The following COL6A3 variants were observed in gnomAD, a reference collection of about 807,000 sequenced individuals.
COL6A3 encodes collagen alpha-3(VI) chain.
In COL6A3, 137 loss-of-function variants were observed where a neutral mutation model predicts 274.1. That is an observed-to-expected ratio of 0.50 (90% CI 0.44 to 0.58). COL6A3 has a LOEUF of 0.58. Ranked by LOEUF, COL6A3 falls within the 20% of genes least tolerant of loss-of-function variation. The pLI, the probability that COL6A3 is intolerant of heterozygous loss-of-function variation, is 0.00. For synonymous variants in COL6A3, 1,650 were observed against 1,650.6 expected (o/e 1.00, Z 0.01); for missense variants, 3,950 against 4,124.9 (o/e 0.96, Z 1.16).
chr2:237,346,544 T>G lies in COL6A3; in HGVS notation c.7051A>C (p.Ile2351Leu), dbSNP rs557448772. Residue 2351 changes from isoleucine (I) to leucine (L), a missense_variant, in exon 32 of 44, where the codon ATA (isoleucine) becomes CTA (leucine). By Grantham distance (5) the Ile-to-Leu change is conservative (BLOSUM62 2). Transcript: ENST00000295550. The part of the protein sequence containing the change: ...GRRGNSGPPG[I>L]VGQKGDPGYP... ...CCAGGGTCTCCCTTCTGTCCAACTATCCCTGGAGGTCCCGAATTTCCCTAG... is the reference window on the plus strand; with the variant it reads ...CCAGGGTCTCCCTTCTGTCCAACTAGCCCTGGAGGTCCCGAATTTCCCTAG... The G allele has an allele frequency of 8.8e-5, 142 of 1,613,916 alleles. 2 individuals are homozygous for G. In the South Asian group the frequency reaches 1.5e-3, roughly 17 times the overall value.
At chr2:237,330,349 G>A (rs762861886) in intron 42 of COL6A3, among the ~76,000 whole-genome samples, 23 of 152,164 alleles carry the variant, frequency 1.5e-4, no homozygotes, top group African/African-American at 1.4e-4. Flanking sequence ...AGGAGGCCAC[G>A]GTAACGAATG....
chr2:237,370,723 T>C (rs1361613727), intron 9 of COL6A3, among the ~76,000 whole-genome samples: 2 of 152,310 alleles, frequency 1.3e-5, no homozygotes, highest in African/African-American at 4.8e-5. Context: ...AAATGCAGCA[T>C]AGTGGAAGCT....
Position 237,341,859 on chromosome 2 carries a change from C to T in COL6A3, c.7765+206G>A, listed in dbSNP as rs55635726. Among the ~76,000 whole-genome samples the T allele has an allele frequency of 0.017, 2,633 of 152,194 alleles. 28 individuals carry two copies. Among genetic ancestry groups the T allele is most frequent in the Non-Finnish European group, 0.026 (1,783 of 68,002 alleles). On this transcript the variant is annotated intron_variant, in intron 37 of 43. Coordinates refer to ENST00000295550, the MANE Select transcript of COL6A3 (RefSeq NM_004369.4). ...TTTGTTACCTATAAAATGAATTATC[C>T]GCCATCAAAGAGAAGCTCTGTTTTG...
At chr2:237,389,220 G>A (rs951336121) in intron 3 of COL6A3, among the ~76,000 whole-genome samples, 1 of 152,114 alleles carries the variant, frequency 6.6e-6, no homozygotes, top group Non-Finnish European at 1.5e-5. Context: ...GGAGGAATAG[G>A]GATCGAGAAA....
intron 12 of COL6A3, among the ~76,000 whole-genome samples, 189 bp downstream of exon 12, chr2:237,365,509 C>T (rs931055836): frequency 3.9e-5 from 6 of 152,126 alleles, no homozygotes; most frequent in African/African-American, 9.7e-5. Flanking sequence ...TTAGAGCTTA[C>T]GTAAGACTAC....
Position 237,354,921 on chromosome 2 carries a change from C to T in COL6A3, c.6605G>A (p.Arg2202Gln), listed in dbSNP as rs768050320. ...CACCTTAGCTCCGGGGGGTCCCCTT[C>T]GGCCAAAGCCACCCTGTGGAAGAAA... ...GETGKNGGFG[R>Q]RGPPGAKGNK... Residue 2202 changes from arginine (R) to glutamine (Q), a missense_variant, in exon 24 of 44, where the codon CGA (arginine) becomes CAA (glutamine). By Grantham distance (43) the Arg-to-Gln change is conservative (BLOSUM62 1). This residue lies in a region of COL6A3 where 1,284 missense variants were observed against 1,349.7 expected (regional missense o/e 0.95). Coordinates refer to ENST00000295550, the MANE Select transcript of COL6A3 (RefSeq NM_004369.4). The T allele has an allele frequency of 2.0e-5, 32 of 1,613,822 alleles. No individual in the cohort carries two copies. Among genetic ancestry groups the T allele is most frequent in the Middle Eastern group, 1.7e-4 (1 of 6,056 alleles).
chr2:237,380,806 A>G (rs1025864439), intron 5 of COL6A3, 109 bp downstream of exon 5: 21 of 1,025,028 alleles, frequency 2.0e-5, no homozygotes, highest in Middle Eastern at 5.9e-4. Context: ...TGCTGTTTTC[A>G]TCATTTGTTG....
intron 4 of COL6A3, 124 bp downstream of exon 4, chr2:237,387,458 G>T: frequency 7.1e-7 from 1 of 1,405,442 alleles, no homozygotes. Flanking sequence ...ATCAGGGAAG[G>T]ACTGGACTGT....
At chr2:237,396,291 C>A (rs1396117880) in intron 2 of COL6A3, among the ~76,000 whole-genome samples, 4 of 152,178 alleles carry the variant, frequency 2.6e-5, no homozygotes, top group Admixed American at 6.5e-5. Flanking sequence ...AAAATGCCTT[C>A]CTGCATCTGG....
At position 237,350,157 on chromosome 2, in the gene COL6A3, C is replaced by T. The variant is rs398124131; in HGVS notation, c.6869G>A (p.Arg2290His). The stretch of plus-strand genomic sequence containing the variant: ...GCGCTGTGACCTTACCGTCTCCCCA[C>T]GAGGGCCCCGGTTCCCGATTCCTCC... ...PKGGIGNRGP[R>H]GETGDDGRDG... is the part of the protein sequence containing the mutation. The change falls in exon 28 of 44, where the codon CGT becomes CAT. Residue 2290 changes from arginine (R) to histidine (H), a missense_variant. By Grantham distance (29) the Arg-to-His change is conservative (BLOSUM62 0). Around this residue, in one of 5 missense-constraint regions of COL6A3, gnomAD observed 1,284 missense variants for 1,349.7 expected, o/e 0.95. Coordinates refer to ENST00000295550, the MANE Select transcript of COL6A3 (RefSeq NM_004369.4). 8.1e-6 allele frequency: 13 copies of T among 1,614,106 alleles called. No individual in the cohort carries two copies. The highest frequency in any genetic ancestry group is 8.0e-5 in the African/African-American group (6 of 75,026).
At position 237,387,667 on chromosome 2, in the gene COL6A3, C is replaced by T. The variant is rs1343008130; in HGVS notation, c.1227G>A (p.Gly409=). 3.1e-6 allele frequency: 5 copies of T among 1,613,804 alleles called. No individual in the cohort carries two copies. The highest frequency in any genetic ancestry group is 4.2e-6 in the Non-Finnish European group (5 of 1,179,882). Reference sequence around the variant, plus strand: ...ACGGCAGTAATTTCTCCTGGAGGTCCCCAAAGCTACGGAATTCCGGGACAG... The same window carrying T: ...ACGGCAGTAATTTCTCCTGGAGGTCTCCAAAGCTACGGAATTCCGGGACAG... ...VFTVPEFRSF[G]DLQEKLLPYI... The change falls in exon 4 of 44, where the codon GGG becomes GGA. Residue 409 remains glycine, a synonymous_variant. Coordinates refer to ENST00000295550, the MANE Select transcript of COL6A3 (RefSeq NM_004369.4).
Position 237,379,288 on chromosome 2 carries a change from T to C in COL6A3, c.1898-53A>G, listed in dbSNP as rs906233081. 5 of 1,611,668 alleles carry C rather than the reference T, an allele frequency of 3.1e-6. No homozygotes were observed. In the African/African-American group the frequency reaches 6.7e-5, roughly 22 times the overall value. On this transcript the variant is annotated intron_variant, in intron 5 of 43. Transcript: ENST00000295550. ...AGACATACACAACCACGGAGAGTTT[T>C]ATCATGTGTGCCTACAACACGTGCA...
In COL6A3 at chr2:237,388,178, T is replaced by C. The variant is rs2078202028; in HGVS notation, c.716A>G (p.Asp239Gly). The change falls in exon 4 of 44, where the codon GAC (aspartate) becomes GGC (glycine). Residue 239 changes from aspartate to glycine, a missense_variant. This residue lies in a region of COL6A3 where 1,934 missense variants were observed against 1,984.3 expected (regional missense o/e 0.97). Coordinates refer to ENST00000295550, the MANE Select transcript of COL6A3 (RefSeq NM_004369.4). Reference sequence around the variant, plus strand: ...AATAAGGAAAATAATGTCAGCAGAGTCTTGTGCTTTAAAAGAAAGAAATGC... The same window carrying C: ...AATAAGGAAAATAATGTCAGCAGAGCCTTGTGCTTTAAAAGAAAGAAATGC... ...TETLKDITAQ[D>G]SADIIFLIDG... The C allele has an allele frequency of 1.2e-6, 2 of 1,613,934 alleles. No homozygotes were observed. Among genetic ancestry groups the C allele is most frequent in the East Asian group, 4.5e-5 (2 of 44,884 alleles).
rs982703428 is a variant in COL6A3 at position 237,367,208 on chromosome 2, C to T, written c.4979G>A (p.Arg1660His). 16 of 1,613,818 alleles carry T rather than the reference C, an allele frequency of 9.9e-6. No individual in the cohort carries two copies. The highest frequency in any genetic ancestry group is 4.0e-5 in the African/African-American group (3 of 74,908). ...TGTGTCCACTATTTCAGACACAAAA[C>T]GAAGCACTTCCTGGAAACTGTCCCT... ...FRRDSFQEVL[R>H]FVSEIVDTVY... The change falls in exon 11 of 44, where the codon CGT becomes CAT. Residue 1660 changes from arginine to histidine, a missense_variant. Around this residue, in one of 5 missense-constraint regions of COL6A3, gnomAD observed 632 missense variants for 623.4 expected, o/e 1.01. Coordinates refer to ENST00000295550, the MANE Select transcript of COL6A3 (RefSeq NM_004369.4).
Position 237,344,218 on chromosome 2 carries a change from G to A in COL6A3, c.7668+132C>T, listed in dbSNP as rs2077050780. 1.4e-6 allele frequency: 2 copies of A among 1,380,658 alleles called. No individual in the cohort carries two copies. The highest frequency in any genetic ancestry group is 2.0e-6 in the Non-Finnish European group (2 of 977,946). 85.5% of individuals were successfully genotyped at this position (1,380,658 alleles called of 1,614,324 possible). On this transcript the variant is annotated intron_variant, in intron 36 of 43. Coordinates refer to ENST00000295550, the MANE Select transcript of COL6A3 (RefSeq NM_004369.4). The surrounding 1 kb of genome is among the most constrained non-coding windows in gnomAD (Gnocchi z 4.8). ...GGAGACCTCACAAGAGAAGTTCTCAGGCAGATGGCCTCATTGGGGACGTTT... is the reference window on the plus strand; with the variant it reads ...GGAGACCTCACAAGAGAAGTTCTCAAGCAGATGGCCTCATTGGGGACGTTT...
intron 40 of COL6A3, 131 bp from the exon 41 acceptor site, chr2:237,335,020 C>T (rs1430500703): frequency 1.9e-6 from 2 of 1,034,412 alleles, no homozygotes; most frequent in African/African-American, 1.6e-5. Context: ...AGGCGGGGAA[C>T]TAATTTCTTG....
chr2:237,412,624 G>A (rs2078884105), intron 1 of COL6A3, among the ~76,000 whole-genome samples: 1 of 152,098 alleles, frequency 6.6e-6, no homozygotes, highest in Non-Finnish European at 1.5e-5. Context: ...TGTCATCAAC[G>A]GCCACCCACT....
In COL6A3 at chr2:237,379,133, T is replaced by C. The variant is rs746265516; in HGVS notation, c.2000A>G (p.Asn667Ser). 1.2e-6 allele frequency: 2 copies of C among 1,614,262 alleles called. No individual in the cohort carries two copies. The highest frequency in any genetic ancestry group is 4.5e-5 in the East Asian group (2 of 44,896). Residue 667 changes from asparagine (N) to serine (S), a missense_variant, in exon 6 of 44, where the codon AAC (asparagine) becomes AGC (serine). Coordinates refer to ENST00000295550, the MANE Select transcript of COL6A3 (RefSeq NM_004369.4). ...ATTGTCATTTCCAATATCAAGGCTG[T>C]TAACTAGGTTCATTACAAAGTCGCG... Reference protein sequence around the residue: ...YVRDFVMNLVNSLDIGNDNIR... With the variant: ...YVRDFVMNLVSSLDIGNDNIR...
chr2:237,406,997 C>A (rs2078736998), intron 1 of COL6A3, among the ~76,000 whole-genome samples: 1 of 143,142 alleles, frequency 7.0e-6, no homozygotes, highest in South Asian at 2.3e-4. Context: ...GCAGCTTCAA[C>A]TTCCTGAGAT....
Sources: gnomAD v4.1 joint callset for allele counts (sites outside exome capture counted in the v4.1 genomes callset) on GRCh38, gnomAD v4.1.1 for gene constraint, gnomAD v4.1.1 regional missense constraint, Gnocchi (gnomAD v3.1) non-coding constraint, MANE v1.5 for transcripts, NCBI Gene and HGNC (gene_info 2026-07-23, HGNC 2026-07-21) for gene names.